SYNGR1: variants seen among roughly 807,000 people sequenced by gnomAD.
The protein encoded by SYNGR1 is synaptogyrin 1, also known as synaptogyrin-1.
A neutral mutation model predicts 26.1 loss-of-function variants in SYNGR1; 14 were observed. The observed-to-expected ratio is 0.54, with a 90% CI of 0.35 to 0.84. The LOEUF is 0.84. Ranked by LOEUF, SYNGR1 falls within the 40% of genes least tolerant of loss-of-function variation. The probability of loss-of-function intolerance (pLI) is 0.01; values close to 1 mark genes in which losing one functional copy is unlikely to be tolerated. For synonymous variants in SYNGR1, 141 were observed against 150.1 expected (o/e 0.94, Z 0.44); for missense variants, 319 against 332.9 (o/e 0.96, Z 0.33).
In SYNGR1 at chr22:39,383,241, A is replaced by C. The variant is rs1217855646; in HGVS notation, c.*1327A>C. On this transcript the variant is annotated 3_prime_UTR_variant, in exon 4 of 4. Coordinates refer to ENST00000328933, the MANE Select transcript of SYNGR1 (RefSeq NM_004711.5). ...GCCTCCCTATGGGAGGCAGAGCGGC[A>C]AGGACAGGGCTTTGGAATCAGCCAG... 6.6e-6 allele frequency: 1 copy of C among 152,308 alleles called. No homozygotes were observed. Among genetic ancestry groups the C allele is most frequent in the Non-Finnish European group, 1.5e-5 (1 of 68,062 alleles). 9.4% of individuals were successfully genotyped at this position (152,308 alleles called of 1,614,324 possible).
At chr22:39,358,166 G>T (rs566519366) in intron 1 of SYNGR1, among the ~76,000 whole-genome samples, 1 of 151,520 alleles carries the variant, frequency 6.6e-6, no homozygotes, top group African/African-American at 2.4e-5. Context: ...TGCACCAATC[G>T]ACACTCTGTA....
intron 1 of SYNGR1, among the ~76,000 whole-genome samples, chr22:39,368,079 GC>G (rs746234657): frequency 9.9e-5 from 15 of 152,122 alleles, no homozygotes; most frequent in South Asian, 8.3e-4. Flanking sequence ...CTTTTCCCTG[GC>G]CATCACTGCT....
chr22:39,365,829 C>G (rs1196361655), intron 1 of SYNGR1, among the ~76,000 whole-genome samples: 2 of 151,654 alleles, frequency 1.3e-5, no homozygotes, highest in Admixed American at 6.6e-5. Context: ...CCCATCTGCT[C>G]TTTTTCTTTT....
At chr22:39,378,886 T>G (rs557779007) in intron 3 of SYNGR1, among the ~76,000 whole-genome samples, 2 of 152,208 alleles carry the variant, frequency 1.3e-5, no homozygotes, top group Non-Finnish European at 2.9e-5. Context: ...AAGCTTTGAC[T>G]TAGTGAGGGC....
At position 39,376,167 on chromosome 22, in the gene SYNGR1, C is replaced by T. The variant is rs938143338; in HGVS notation, c.453C>T (p.Ile151=). ...GGACGGACGCAGCCCGGGCCGCCAT[C>T]GCCTTCTCCTTTTTCTCCATCTTCA... The part of the protein sequence containing the change: ...NEGTDAARAA[I]AFSFFSIFTW... The change falls in exon 3 of 4, where the codon ATC becomes ATT. Residue 151 remains isoleucine, a synonymous_variant. Coordinates refer to ENST00000328933, the MANE Select transcript of SYNGR1 (RefSeq NM_004711.5). The T allele has an allele frequency of 8.7e-6, 14 of 1,614,086 alleles. No homozygotes were observed. Among genetic ancestry groups the T allele is most frequent in the Middle Eastern group, 1.6e-4 (1 of 6,084 alleles).
At chr22:39,376,727 C>T (rs893006761) in intron 3 of SYNGR1, among the ~76,000 whole-genome samples, 5 of 152,112 alleles carry the variant, frequency 3.3e-5, no homozygotes, top group African/African-American at 1.2e-4. Context: ...GCCTGAGAGC[C>T]GTGAGCAGGC....
chr22:39,358,551 G>T (rs527921793), intron 1 of SYNGR1, among the ~76,000 whole-genome samples: 1 of 152,032 alleles, frequency 6.6e-6, no homozygotes, highest in South Asian at 2.1e-4. Context: ...CCACCGGGAG[G>T]AACGAACAAC....
At chr22:39,374,690 G>A in intron 2 of SYNGR1, 137 bp downstream of exon 2, 1 of 929,178 alleles carries the variant, frequency 1.1e-6, no homozygotes. Flanking sequence ...TGGACTCAGG[G>A]TCACATGGCT....
chr22:39,361,622 A>C (rs946768555), intron 1 of SYNGR1, among the ~76,000 whole-genome samples: 1 of 151,878 alleles, frequency 6.6e-6, no homozygotes, highest in Non-Finnish European at 1.5e-5. Flanking sequence ...TGCCTCCCAA[A>C]GTGCCGGGAT....
intron 2 of SYNGR1, chr22:39,375,170 C>T (rs1404637599): frequency 6.2e-6 from 1 of 161,186 alleles, no homozygotes. Context: ...GGCTTGGGTC[C>T]CCGGACTGGG....
intron 1 of SYNGR1, among the ~76,000 whole-genome samples, chr22:39,371,969 T>A (rs1464438186): frequency 1.3e-5 from 2 of 152,096 alleles, no homozygotes; most frequent in East Asian, 1.9e-4. Flanking sequence ...AACATAAGGC[T>A]TATAACAAGA....
At chr22:39,362,458 A>C in intron 1 of SYNGR1, among the ~76,000 whole-genome samples, 2 of 150,692 alleles carry the variant, frequency 1.3e-5, no homozygotes, top group African/African-American at 2.4e-5. Context: ...CCCCACCCCC[A>C]CCTTTTCCCC....
intron 1 of SYNGR1, among the ~76,000 whole-genome samples, chr22:39,360,049 C>G (rs1383664799): frequency 6.6e-6 from 1 of 152,196 alleles, no homozygotes; most frequent in African/African-American, 2.4e-5. Flanking sequence ...AGCTCCAGCC[C>G]TTCTGCGCAT....
chr22:39,362,239 C>G (rs1200455923), intron 1 of SYNGR1, among the ~76,000 whole-genome samples: 3 of 152,140 alleles, frequency 2.0e-5, no homozygotes, highest in Admixed American at 1.3e-4. Flanking sequence ...GAGGGAGGGG[C>G]CTGCAGATCA....
Position 39,381,765 on chromosome 22 carries a change from T to C in SYNGR1, c.553T>C (p.Tyr185His), listed in dbSNP as rs776459842. 1.2e-6 allele frequency: 2 copies of C among 1,613,350 alleles called. No individual in the cohort carries two copies. Among genetic ancestry groups the C allele is most frequent in the Non-Finnish European group, 1.7e-6 (2 of 1,179,966 alleles). Residue 185 changes from tyrosine (Y) to histidine (H), a missense_variant, in exon 4 of 4, where the codon TAC becomes CAC. Physicochemically the swap from Tyr to His is moderately conservative, Grantham distance 83 (BLOSUM62 2). Coordinates refer to ENST00000328933, the MANE Select transcript of SYNGR1 (RefSeq NM_004711.5). ...GADSALFSQDYMDPSQDSSMP... is the reference protein window; with the variant it reads ...GADSALFSQDHMDPSQDSSMP... ...CGACTCGGCCCTCTTCTCCCAGGAC[T>C]ACATGGACCCCAGCCAGGACTCCAG...
chr22:39,362,327 C>G (rs554641364), intron 1 of SYNGR1, among the ~76,000 whole-genome samples: 21 of 152,276 alleles, frequency 1.4e-4, no homozygotes, highest in African/African-American at 4.8e-4. Context: ...CACTCCACCC[C>G]CACCACCGAG....
intron 3 of SYNGR1, chr22:39,377,439 G>T: frequency 1.0e-6 from 1 of 985,394 alleles, no homozygotes; most frequent in Non-Finnish European, 1.2e-6. Flanking sequence ...ACAGGGAGGA[G>T]TTTAGGGGCG....
intron 1 of SYNGR1, among the ~76,000 whole-genome samples, chr22:39,362,567 G>T (rs1440902062): frequency 6.6e-6 from 1 of 152,112 alleles, no homozygotes; most frequent in Non-Finnish European, 1.5e-5. Flanking sequence ...GGGAAGACAA[G>T]GCCCTGTTCC....
chr22:39,375,972 C>T (rs1029479137), intron 2 of SYNGR1, 80 bp from the exon 3 acceptor site: 9 of 1,585,854 alleles, frequency 5.7e-6, no homozygotes, highest in African/African-American at 5.4e-5. Flanking sequence ...CTCTGTTCCT[C>T]GGCTTCCCCA....
Sources: gnomAD v4.1 joint callset for allele counts (sites outside exome capture counted in the v4.1 genomes callset) on GRCh38, gnomAD v4.1.1 for gene constraint, MANE v1.5 for transcripts, NCBI Gene and HGNC (gene_info 2026-07-23, HGNC 2026-07-21) for gene names.